NGRN: variants seen among roughly 807,000 people sequenced by gnomAD.
NGRN encodes the protein neugrin.
In NGRN, 12 loss-of-function variants were observed where a neutral mutation model predicts 13.1. The ratio of observed to expected loss-of-function variants is 0.92; its 90% CI spans 0.59 to 1.49. The LOEUF (loss-of-function observed/expected upper bound fraction) is 1.49, where lower values mean the gene tolerates loss of function less well. Among genes scored for constraint, NGRN ranks in the 40% most tolerant of loss-of-function variants. The pLI is 0.00. For missense variants in NGRN, 397 were observed against 357.0 expected (o/e 1.11, Z -0.90); for synonymous variants, 149 against 145.8 (o/e 1.02, Z -0.16).
At chr15:90,270,177 T>G (rs965495524) in intron 2 of NGRN, among the ~76,000 whole-genome samples, 1 of 152,168 alleles carries the variant, frequency 6.6e-6, no homozygotes, top group Admixed American at 6.5e-5. Flanking sequence ...AGTGAGCCAT[T>G]GTGCCAGGCT....
intron 2 of NGRN, among the ~76,000 whole-genome samples, chr15:90,269,975 G>A (rs906330405): frequency 2.8e-4 from 42 of 152,092 alleles, no homozygotes; most frequent in Admixed American, 2.6e-3. Flanking sequence ...TGTCTCACTC[G>A]AGACTATCTG....
At chr15:90,271,059 G>C in intron 2 of NGRN, 129 bp from the exon 3 acceptor site, 2 of 1,089,416 alleles carry the variant, frequency 1.8e-6, no homozygotes, top group Non-Finnish European at 2.7e-6. Context: ...GCCTCTCAGA[G>C]TTCTGGGATT....
rs759187525 is a variant in NGRN, at chr15:90,271,493, T to C, written c.581T>C (p.Ile194Thr). The change falls in exon 3 of 3, where the codon ATA (isoleucine) becomes ACA (threonine). Residue 194 changes from isoleucine to threonine, a missense_variant. Coordinates refer to ENST00000379095, the MANE Select transcript of NGRN (RefSeq NM_001033088.3). Reference sequence around the variant, plus strand: ...AATCACAGCACAGCTTTGAAAGTGATAGAGTCAGACACTCACAGGACAAAT... The same window carrying C: ...AATCACAGCACAGCTTTGAAAGTGACAGAGTCAGACACTCACAGGACAAAT... Reference protein sequence around the residue: ...DPNHSTALKVIESDTHRTNTP... With the variant: ...DPNHSTALKVTESDTHRTNTP... 3 of 1,613,910 alleles carry C rather than the reference T, an allele frequency of 1.9e-6. No homozygotes were observed. The highest frequency in any genetic ancestry group is 2.2e-5 in the East Asian group (1 of 44,888).
At chr15:90,271,143 A>G (rs780721618) in intron 2 of NGRN, 45 bp from the exon 3 acceptor site, 1 of 1,579,384 alleles carries the variant, frequency 6.3e-7, no homozygotes, top group Admixed American at 1.8e-5. Context: ...ATGTTCTGAT[A>G]GGAGACTTCT....
rs537996632 is a variant in NGRN at position 90,266,059 on chromosome 15, T to C, written c.164+183T>C. The C allele has an allele frequency of 7.7e-5, 109 of 1,423,134 alleles. No individual in the cohort carries two copies. The African/African-American group carries it at 1.5e-3, about 20-fold the overall frequency. 88.2% of individuals were successfully genotyped at this position (1,423,134 alleles called of 1,614,324 possible). ...CCCCTGGGACCACTGGTCCCTTCAT[T>C]AGTGACGTATTTCATCATCAGTTTA... On this transcript the variant is annotated intron_variant, in intron 1 of 2. Coordinates refer to ENST00000379095, the MANE Select transcript of NGRN (RefSeq NM_001033088.3).
chr15:90,266,545 A>C, intron 2 of NGRN, 147 bp downstream of exon 2: 1 of 644,636 alleles, frequency 1.6e-6, no homozygotes, highest in Non-Finnish European at 2.7e-6. Flanking sequence ...AAGTAGAGTA[A>C]TATAACGAAC....
At position 90,266,109 on chromosome 15, in the gene NGRN, G is replaced by A. The variant is rs929251756; in HGVS notation, c.165-179G>A. ...AGAGAGTTCGGCATGCTTACAGGCA[G>A]TTATTGTTCTAGGTGTTAGCTTTCT... is the stretch of plus-strand genomic sequence containing the variant. On this transcript the variant is annotated intron_variant, in intron 1 of 2. Coordinates refer to ENST00000379095, the MANE Select transcript of NGRN (RefSeq NM_001033088.3). The A allele has an allele frequency of 1.3e-4, 191 of 1,439,598 alleles. 1 individual carries two copies. The highest frequency in any genetic ancestry group is 1.6e-4 in the Non-Finnish European group (172 of 1,100,840). 89.2% of individuals were successfully genotyped at this position (1,439,598 alleles called of 1,614,324 possible). A position where few individuals can be genotyped will look rare whatever the true frequency, so the allele number is the denominator to read the frequency against.
chr15:90,272,154 G>A lies in NGRN; in HGVS notation c.*366G>A. 4.5e-6 allele frequency: 1 copy of A among 223,368 alleles called. No homozygotes were observed. The allele number at this position is 223,368 out of a possible 1,614,324, so 13.8% of individuals were successfully genotyped here. ...CTTGATCAGTGAACACTAACATTTTGGGGACAACTTAGTCAATTGGTTTTC... is the reference window on the plus strand; with the variant it reads ...CTTGATCAGTGAACACTAACATTTTAGGGACAACTTAGTCAATTGGTTTTC... On this transcript the variant is annotated 3_prime_UTR_variant, in exon 3 of 3. Coordinates refer to ENST00000379095, the MANE Select transcript of NGRN (RefSeq NM_001033088.3).
chr15:90,268,355 T>C (rs1451888940), intron 2 of NGRN, among the ~76,000 whole-genome samples: 1 of 150,022 alleles, frequency 6.7e-6, no homozygotes, highest in Non-Finnish European at 1.5e-5. Flanking sequence ...TTCCTACTTA[T>C]CTCCCTTTAT....
rs1963515834 is a variant in NGRN, at chr15:90,272,149, A to G, written c.*361A>G. On this transcript the variant is annotated 3_prime_UTR_variant, in exon 3 of 3. Coordinates refer to ENST00000379095, the MANE Select transcript of NGRN (RefSeq NM_001033088.3). ...TCCTTCTTGATCAGTGAACACTAAC[A>G]TTTTGGGGACAACTTAGTCAATTGG... 4.4e-6 allele frequency: 1 copy of G among 229,556 alleles called. No individual in the cohort carries two copies. The highest frequency in any genetic ancestry group is 8.8e-5 in the South Asian group (1 of 11,368). 14.2% of individuals were successfully genotyped at this position (229,556 alleles called of 1,614,324 possible).
At chr15:90,267,764 G>A (rs1963450223) in intron 2 of NGRN, among the ~76,000 whole-genome samples, 1 of 152,204 alleles carries the variant, frequency 6.6e-6, no homozygotes, top group Non-Finnish European at 1.5e-5. Flanking sequence ...TACCTGCCAG[G>A]AATATTTGTT....
intron 2 of NGRN, among the ~76,000 whole-genome samples, chr15:90,269,162 A>ATTTTTTTTTTTTTT (rs34266380): frequency 2.7e-4 from 24 of 89,630 alleles, no homozygotes; most frequent in African/African-American, 4.4e-4. Flanking sequence ...TACCTGGCTA[A>ATTTTTTTTTTTTTT]TTTTTTTTTT....
chr15:90,271,366 C>T lies in NGRN; in HGVS notation c.454C>T (p.His152Tyr). The T allele has an allele frequency of 1.2e-6, 2 of 1,614,078 alleles. No individual in the cohort carries two copies. The highest frequency in any genetic ancestry group is 1.7e-6 in the Non-Finnish European group (2 of 1,180,034). Residue 152 changes from histidine to tyrosine, a missense_variant, in exon 3 of 3, where the codon CAC (histidine) becomes TAC (tyrosine). Coordinates refer to ENST00000379095, the MANE Select transcript of NGRN (RefSeq NM_001033088.3). ...KKAGLAHSLQ[H>Y]LRGSGNTSKL... ...AGCTGGGCTTGCCCACTCGCTGCAG[C>T]ACCTCCGGGGCTCTGGAAATACCTC...
intron 1 of NGRN, 40 bp from the exon 2 acceptor site, chr15:90,266,248 C>T (rs1419595704): frequency 6.3e-7 from 1 of 1,592,382 alleles, no homozygotes; most frequent in South Asian, 1.1e-5. Flanking sequence ...ATCCATTCTG[C>T]TTCCACGCAT....
chr15:90,265,976 G>C (rs1475219943), intron 1 of NGRN, 100 bp downstream of exon 1: 1 of 1,422,722 alleles, frequency 7.0e-7, no homozygotes, highest in East Asian at 2.7e-5. Flanking sequence ...CGCTGCTTGC[G>C]CAGCGGCCCT....
rs1484931304 is a variant in NGRN at position 90,271,858 on chromosome 15, C to G, written c.*70C>G. The G allele has an allele frequency of 1.9e-6, 3 of 1,560,174 alleles. No homozygotes were observed. In the South Asian group the frequency reaches 3.6e-5, roughly 19 times the overall value. On this transcript the variant is annotated 3_prime_UTR_variant, in exon 3 of 3. Transcript: ENST00000379095. ...CAAGTATTAATGTATATGGAACAGCCTGGATTTCTGCATATGGATAAGCCA... is the reference window on the plus strand; with the variant it reads ...CAAGTATTAATGTATATGGAACAGCGTGGATTTCTGCATATGGATAAGCCA...
intron 2 of NGRN, among the ~76,000 whole-genome samples, chr15:90,270,078 A>C (rs755923064): frequency 6.6e-6 from 1 of 151,676 alleles, no homozygotes; most frequent in African/African-American, 2.4e-5. Flanking sequence ...TTCTTTTTTT[A>C]ATAGAGATGG....
Position 90,271,827 on chromosome 15 carries a change from G to A in NGRN, c.*39G>A. The A allele has an allele frequency of 1.2e-6, 2 of 1,603,758 alleles. No individual in the cohort carries two copies. Among genetic ancestry groups the A allele is most frequent in the Non-Finnish European group, 1.7e-6 (2 of 1,174,076 alleles). On this transcript the variant is annotated 3_prime_UTR_variant, in exon 3 of 3. Transcript: ENST00000379095. ...TTATGGAGATGCCTCGTGAAACACA[G>A]CTGGGCAAGTATTAATGTATATGGA...
rs1343312667 is a variant in NGRN at position 90,271,590 on chromosome 15, AC to A, written c.682del (p.Leu228Ter). On this transcript the variant is annotated frameshift_variant, in exon 3 of 3. Transcript: ENST00000379095. LOFTEE classifies it low-confidence loss of function (END_TRUNC). The stretch of plus-strand genomic sequence containing the variant: ...AGGAGAGCTTTGTGCCTGTTGCTGC[AC>A]CCCTAGGTCATCCAAGAGAGCTGCA... ...LEESFVPVAA[P>X]LGHPRELQKY... 1.2e-6 allele frequency: 2 copies of A among 1,614,144 alleles called. No homozygotes were observed. The highest frequency in any genetic ancestry group is 2.2e-5 in the South Asian group (2 of 91,078).
Sources: gnomAD v4.1 joint callset for allele counts (sites outside exome capture counted in the v4.1 genomes callset) on GRCh38, gnomAD v4.1.1 for gene constraint, MANE v1.5 for transcripts, NCBI Gene and HGNC (gene_info 2026-07-23, HGNC 2026-07-21) for gene names.